The following GOLGA4 variants were observed in gnomAD, a reference collection of about 807,000 sequenced individuals.
GOLGA4 encodes the protein golgin subfamily A member 4.
A neutral mutation model predicts 265.9 loss-of-function variants in GOLGA4; 169 were observed. The observed-to-expected ratio is 0.64, with a 90% CI of 0.56 to 0.72. The LOEUF (loss-of-function observed/expected upper bound fraction) is 0.72, where lower values mean the gene tolerates loss of function less well. Ranked by LOEUF, GOLGA4 falls within the 30% of genes least tolerant of loss-of-function variation. The probability of loss-of-function intolerance (pLI) is 0.00; values close to 1 mark genes in which losing one functional copy is unlikely to be tolerated. For synonymous variants in GOLGA4, 923 were observed against 855.8 expected (o/e 1.08, Z -1.37); for missense variants, 2,482 against 2,483.4 (o/e 1.00, Z 0.01).
intron 1 of GOLGA4, chr3:37,249,873 G>C (rs947026044): frequency 6.6e-6 from 1 of 152,220 alleles, no homozygotes; most frequent in African/African-American, 2.4e-5. Context: ...CTTCAGCTTG[G>C]CACCAGCATT....
At chr3:37,280,471 C>T (rs369552738) in intron 2 of GOLGA4, among the ~76,000 whole-genome samples, 1 of 152,238 alleles carries the variant, frequency 6.6e-6, no homozygotes, top group East Asian at 1.9e-4. Context: ...CGTGTTTAGA[C>T]TTGGGTCTCA....
chr3:37,337,860 C>G, intron 19 of GOLGA4, 126 bp downstream of exon 19: 4 of 622,202 alleles, frequency 6.4e-6, no homozygotes, highest in Non-Finnish European at 1.2e-5. Flanking sequence ...ATTTTATTTC[C>G]AAATCCAAAG....
intron 2 of GOLGA4, among the ~76,000 whole-genome samples, chr3:37,271,193 C>G (rs376213239): frequency 6.6e-6 from 1 of 152,160 alleles, no homozygotes; most frequent in Non-Finnish European, 1.5e-5. Context: ...TGGCCCCGTT[C>G]CTAACAGGCT....
intron 5 of GOLGA4, among the ~76,000 whole-genome samples, chr3:37,293,703 A>G (rs1236546107): frequency 6.6e-6 from 1 of 152,224 alleles, no homozygotes; most frequent in Admixed American, 6.5e-5. Flanking sequence ...AGTGAAGGAC[A>G]AAGAGGAAAC....
intron 15 of GOLGA4, 38 bp from the exon 16 acceptor site, chr3:37,328,925 A>G: frequency 1.3e-6 from 2 of 1,503,676 alleles, no homozygotes; most frequent in East Asian, 2.3e-5. Flanking sequence ...ACTCTTGACT[A>G]ATGTGTTTTC....
At chr3:37,260,330 CAG>C (rs2096766087) in intron 2 of GOLGA4, among the ~76,000 whole-genome samples, 1 of 152,074 alleles carries the variant, frequency 6.6e-6, no homozygotes, top group Admixed American at 6.6e-5. Context: ...AAGATAGAAA[CAG>C]GGCCATCTGC....
intron 2 of GOLGA4, among the ~76,000 whole-genome samples, chr3:37,272,832 A>G (rs1432524915): frequency 6.6e-6 from 1 of 152,186 alleles, no homozygotes; most frequent in Admixed American, 6.5e-5. Context: ...CTATAGTTCT[A>G]ACTAATTTTA....
intron 1 of GOLGA4, among the ~76,000 whole-genome samples, chr3:37,246,027 A>G (rs914900237): frequency 6.6e-6 from 1 of 152,060 alleles, no homozygotes; most frequent in African/African-American, 2.4e-5. Context: ...TGAACTCAGT[A>G]GTTCAAGACC....
At chr3:37,295,633 AT>A (rs2096876176) in intron 6 of GOLGA4, among the ~76,000 whole-genome samples, 1 of 152,138 alleles carries the variant, frequency 6.6e-6, no homozygotes, top group Admixed American at 6.5e-5. Context: ...TATTTTGATT[AT>A]TTTCCCCCAC....
At chr3:37,251,554 C>T in intron 2 of GOLGA4, 70 bp downstream of exon 2, 1 of 933,208 alleles carries the variant, frequency 1.1e-6, no homozygotes, top group Non-Finnish European at 1.7e-6. Flanking sequence ...CTGTTGATAA[C>T]AAAATGGGAA....
intron 16 of GOLGA4, among the ~76,000 whole-genome samples, chr3:37,332,875 A>C (rs1446667701): frequency 6.6e-6 from 1 of 152,102 alleles, no homozygotes; most frequent in Non-Finnish European, 1.5e-5. Context: ...TCTTAAATGT[A>C]ATTAATTGCA....
chr3:37,246,493 T>A (rs951045438), intron 1 of GOLGA4, among the ~76,000 whole-genome samples: 2 of 152,174 alleles, frequency 1.3e-5, no homozygotes, highest in Admixed American at 1.3e-4. Context: ...CTTCTAAAAC[T>A]TAAAAATTAT....
chr3:37,275,503 G>T (rs1364965446), intron 2 of GOLGA4, among the ~76,000 whole-genome samples: 1 of 152,108 alleles, frequency 6.6e-6, no homozygotes, highest in African/African-American at 2.4e-5. Context: ...GCACTGTACA[G>T]AACATATCCA....
In GOLGA4 at chr3:37,299,285, T is replaced by A; in HGVS notation, c.1003-3T>A. On this transcript the variant is annotated splice_region_variant and splice_polypyrimidine_tract_variant and intron_variant, in intron 8 of 23. Transcript: ENST00000361924. ...TGGAAATGAATTTAAAAATTTTTTT[T>A]AGGACCTTCATATGGCCGAGAAGAC... is the stretch of plus-strand genomic sequence containing the variant. The A allele has an allele frequency of 1.2e-6, 2 of 1,600,012 alleles. No individual in the cohort carries two copies. The highest frequency in any genetic ancestry group is 2.2e-5 in the South Asian group (2 of 90,244).
intron 23 of GOLGA4, 120 bp from the exon 24 acceptor site, chr3:37,365,960 T>C (rs1696721116): frequency 1.2e-6 from 1 of 825,412 alleles, no homozygotes; most frequent in African/African-American, 1.7e-5. Flanking sequence ...CTGCAGTCTC[T>C]AGACCATGGA....
At chr3:37,297,556 G>A (rs2096881779) in intron 7 of GOLGA4, among the ~76,000 whole-genome samples, 1 of 152,232 alleles carries the variant, frequency 6.6e-6, no homozygotes, top group Non-Finnish European at 1.5e-5. Flanking sequence ...GTTAATGTTA[G>A]TTAACTACTG....
rs375610934 is a variant in GOLGA4 at position 37,331,556 on chromosome 3, G to A, written c.6192+2463G>A. On this transcript the variant is annotated intron_variant, in intron 16 of 23. Coordinates refer to ENST00000361924, the MANE Select transcript of GOLGA4 (RefSeq NM_002078.5). ...CCATTTAAAAATTTCTGGGATTGGA[G>A]TTTCATATGGGATTTGTATGTATTA... Among the ~76,000 whole-genome samples, 83 of 152,218 alleles carry A rather than the reference G, an allele frequency of 5.5e-4. 1 individual carries two copies. The South Asian group carries it at 0.017, about 31-fold the overall frequency.
chr3:37,293,668 G>A (rs1175381739), intron 5 of GOLGA4, among the ~76,000 whole-genome samples: 2 of 152,166 alleles, frequency 1.3e-5, no homozygotes, highest in East Asian at 1.9e-4. Flanking sequence ...ACACAAGATT[G>A]AACCCAAGAG....
intron 2 of GOLGA4, among the ~76,000 whole-genome samples, chr3:37,264,144 A>G (rs1280401301): frequency 6.6e-6 from 1 of 152,200 alleles, no homozygotes; most frequent in Non-Finnish European, 1.5e-5. Flanking sequence ...GCTGGGCATT[A>G]GCCTTTGTGT....
Sources: gnomAD v4.1 joint callset for allele counts (sites outside exome capture counted in the v4.1 genomes callset) on GRCh38, gnomAD v4.1.1 for gene constraint, MANE v1.5 for transcripts, NCBI Gene and HGNC (gene_info 2026-07-23, HGNC 2026-07-21) for gene names.